DTHD1: variants seen among roughly 807,000 people sequenced by gnomAD.
DTHD1 encodes death domain containing 1, also known as death domain-containing protein 1.
Under a neutral mutation model 74.8 loss-of-function variants are expected in DTHD1, and 59 were observed. The ratio of observed to expected loss-of-function variants is 0.79; its 90% CI spans 0.64 to 0.98. The LOEUF (loss-of-function observed/expected upper bound fraction) is 0.98. Ranked by LOEUF, DTHD1 falls within the 50% of genes least tolerant of loss-of-function variation. The pLI is 0.00. For synonymous variants in DTHD1, 365 were observed against 371.1 expected (o/e 0.98, Z 0.19); for missense variants, 1,051 against 1,065.4 (o/e 0.99, Z 0.19).
At chr4:36,334,606 T>C (rs7688419) in intron 8 of DTHD1, among the ~76,000 whole-genome samples, 73,980 of 151,904 alleles carry the variant, frequency 0.49, 19,017 homozygotes, top group African/African-American at 0.66. Flanking sequence ...GTGATCCACC[T>C]GCCTCGGCCT....
At chr4:36,313,415 A>AG (rs1333816823) in intron 7 of DTHD1, among the ~76,000 whole-genome samples, 2 of 26,462 alleles carry the variant, frequency 7.6e-5, no homozygotes, top group Non-Finnish European at 1.3e-4. Flanking sequence ...CCAGTGAGGG[A>AG]GGAAAAAAAA....
chr4:36,335,230 A>T (rs1758941633), intron 8 of DTHD1, among the ~76,000 whole-genome samples: 1 of 151,730 alleles, frequency 6.6e-6, no homozygotes, highest in African/African-American at 2.4e-5. Flanking sequence ...AATTTTTGTT[A>T]AGTTTTTTGA....
rs927630425 is a variant in DTHD1, at chr4:36,346,316, CCT to C, written c.*2493_*2494del. ...CATATACAATCTCATTAAAACACTC[CCT>C]GTCATAACCCTCCCGTCTTTCTTTC... On this transcript the variant is annotated 3_prime_UTR_variant, in exon 10 of 10. Coordinates refer to ENST00000639862, the MANE Select transcript of DTHD1 (RefSeq NM_001170700.3). Among the ~76,000 whole-genome samples the C allele has an allele frequency of 6.6e-6, 1 of 151,900 alleles. No individual in the cohort carries two copies. The highest frequency in any genetic ancestry group is 2.4e-5 in the African/African-American group (1 of 41,358).
intron 1 of DTHD1, 117 bp downstream of exon 1, chr4:36,282,146 C>T: frequency 2.4e-6 from 2 of 835,946 alleles, no homozygotes; most frequent in Non-Finnish European, 1.7e-6. Context: ...CCACAAGAGA[C>T]TAACAATTTC....
chr4:36,334,358 G>GTTTTTTTTT (rs34455692), intron 8 of DTHD1, among the ~76,000 whole-genome samples: 2 of 138,906 alleles, frequency 1.4e-5, no homozygotes, highest in Admixed American at 7.2e-5. Flanking sequence ...ATTTTTTTTG[G>GTTTTTTTTT]TTTTTTTTTT....
At chr4:36,310,084 C>G (rs1456982265) in intron 7 of DTHD1, among the ~76,000 whole-genome samples, 1 of 152,162 alleles carries the variant, frequency 6.6e-6, no homozygotes, top group African/African-American at 2.4e-5. Context: ...ACCACATTTT[C>G]TTTATCCAGT....
intron 8 of DTHD1, among the ~76,000 whole-genome samples, chr4:36,334,675 T>C (rs1470142495): frequency 6.6e-6 from 1 of 152,146 alleles, no homozygotes; most frequent in Non-Finnish European, 1.5e-5. Flanking sequence ...CTTAATTTTC[T>C]CAGAAAATAG....
At chr4:36,323,486 T>C (rs1424946829) in intron 8 of DTHD1, among the ~76,000 whole-genome samples, 1 of 152,018 alleles carries the variant, frequency 6.6e-6, no homozygotes, top group Non-Finnish European at 1.5e-5. Flanking sequence ...CAAAAGCATT[T>C]TAATTCTACT....
Position 36,281,999 on chromosome 4 carries a change from G to T in DTHD1, c.241G>T (p.Asp81Tyr). The T allele has an allele frequency of 2.0e-6, 3 of 1,522,420 alleles. No individual in the cohort carries two copies. In the South Asian group the frequency reaches 3.8e-5, roughly 19 times the overall value. 94.3% of individuals were successfully genotyped at this position (1,522,420 alleles called of 1,614,324 possible). A position where few individuals can be genotyped will look rare whatever the true frequency, so the allele number is the denominator to read the frequency against. ...CTGCCAGCAGCTGCATGTGCTGCTT[G>T]ACAAAGAGAATCAATGTGTCTCGAG... ...STCQQLHVLL[D>Y]KENQCVSRKE... The change falls in exon 1 of 10, where the codon GAC becomes TAC. Residue 81 changes from aspartate (D) to tyrosine (Y), a missense_variant. Asp to Tyr is a radical substitution (Grantham distance 160). Coordinates refer to ENST00000639862, the MANE Select transcript of DTHD1 (RefSeq NM_001170700.3).
At position 36,345,090 on chromosome 4, in the gene DTHD1, A is replaced by C. The variant is rs1320508880; in HGVS notation, c.*1266A>C. On this transcript the variant is annotated 3_prime_UTR_variant, in exon 10 of 10. Coordinates refer to ENST00000639862, the MANE Select transcript of DTHD1 (RefSeq NM_001170700.3). Reference sequence around the variant, plus strand: ...GCAGAGAAAATAAGTTATCAGTGAAAGAATTCAAGGCCTATTTCTTCTACT... The same window carrying C: ...GCAGAGAAAATAAGTTATCAGTGAACGAATTCAAGGCCTATTTCTTCTACT... 1 of 152,202 alleles carries C rather than the reference A, an allele frequency of 6.6e-6. No individual in the cohort carries two copies. The highest frequency in any genetic ancestry group is 1.5e-5 in the Non-Finnish European group (1 of 68,022). 9.4% of individuals were successfully genotyped at this position (152,202 alleles called of 1,614,324 possible).
chr4:36,310,800 C>T (rs753267743), intron 7 of DTHD1, among the ~76,000 whole-genome samples: 14 of 152,036 alleles, frequency 9.2e-5, no homozygotes, highest in Non-Finnish European at 1.9e-4. Flanking sequence ...AGGATCTCAG[C>T]ATCTGAGCCA....
chr4:36,314,511 CA>C lies in DTHD1; in HGVS notation c.2096-1710del, dbSNP rs35806275. 9.2e-3 allele frequency among the ~76,000 whole-genome samples: 684 copies of C among 74,486 alleles called. 8 individuals are homozygous for C. The highest frequency in any genetic ancestry group is 0.034 in the African/African-American group (496 of 14,454). 48.9% of individuals were successfully genotyped at this position (74,486 alleles called of 152,430 possible). A position where few individuals can be genotyped will look rare whatever the true frequency, so the allele number is the denominator to read the frequency against. ...GCAACATGGTAAAACCCCGTCTCTACAAAAAAAAAAAAAAAAAAAAATTACC... is the reference window on the plus strand; with the variant it reads ...GCAACATGGTAAAACCCCGTCTCTACAAAAAAAAAAAAAAAAAAAATTACC... On this transcript the variant is annotated intron_variant, in intron 7 of 9. Coordinates refer to ENST00000639862, the MANE Select transcript of DTHD1 (RefSeq NM_001170700.3).
At position 36,315,266 on chromosome 4, in the gene DTHD1, C is replaced by A. The variant is rs545138583; in HGVS notation, c.2096-976C>A. Among the ~76,000 whole-genome samples the A allele has an allele frequency of 1.5e-3, 234 of 152,234 alleles. 7 individuals carry two copies. The East Asian group carries it at 0.034, about 22-fold the overall frequency. On this transcript the variant is annotated intron_variant, in intron 7 of 9. Coordinates refer to ENST00000639862, the MANE Select transcript of DTHD1 (RefSeq NM_001170700.3). ...ATGTTCACAAAAGCTCTAGAATTTT[C>A]AGTAAGGAGTTGATAAAACATTTAT...
At chr4:36,311,224 G>C (rs1757388682) in intron 7 of DTHD1, 1 of 152,154 alleles carries the variant, frequency 6.6e-6, no homozygotes, top group African/African-American at 2.4e-5. Flanking sequence ...TTCATTCAGG[G>C]AAAATGAGCA....
intron 7 of DTHD1, among the ~76,000 whole-genome samples, chr4:36,311,467 C>T (rs946602837): frequency 2.1e-5 from 3 of 144,964 alleles, no homozygotes; most frequent in African/African-American, 2.5e-5. Context: ...GCCCTCCCCA[C>T]CCCCACCCTC....
chr4:36,317,198 C>T (rs534958867), intron 8 of DTHD1, among the ~76,000 whole-genome samples: 19 of 152,184 alleles, frequency 1.2e-4, no homozygotes, highest in Admixed American at 5.2e-4. Flanking sequence ...GTTTTCCATG[C>T]GGTTAGATTT....
chr4:36,306,144 T>C, intron 5 of DTHD1, 47 bp from the exon 6 acceptor site: 1 of 1,477,058 alleles, frequency 6.8e-7, no homozygotes, highest in Non-Finnish European at 9.2e-7. Context: ...AAATAAGATT[T>C]ATATCATGTA....
At chr4:36,334,700 C>T (rs551212856) in intron 8 of DTHD1, among the ~76,000 whole-genome samples, 7 of 152,254 alleles carry the variant, frequency 4.6e-5, no homozygotes, top group Admixed American at 1.3e-4. Context: ...CTAAACGCCT[C>T]GTGAGAGAGT....
chr4:36,304,827 C>A (rs1343226940), intron 5 of DTHD1, among the ~76,000 whole-genome samples: 1 of 152,140 alleles, frequency 6.6e-6, no homozygotes, highest in Non-Finnish European at 1.5e-5. Context: ...GATTTTTCTC[C>A]TTTTTCTCTC....
Sources: allele counts gnomAD v4.1 joint callset (sites outside exome capture counted in the v4.1 genomes callset), GRCh38; gene constraint gnomAD v4.1.1; transcripts MANE v1.5; gene names NCBI Gene and HGNC (gene_info 2026-07-23, HGNC 2026-07-21).